The following PFKP variants were observed in gnomAD, a reference collection of about 807,000 sequenced individuals.
PFKP encodes the protein ATP-dependent 6-phosphofructokinase, platelet type.
PFKP carries 101 observed loss-of-function variants against 94.3 expected under a neutral mutation model. The ratio of observed to expected loss-of-function variants is 1.07; its 90% CI spans 0.91 to 1.26. The LOEUF (loss-of-function observed/expected upper bound fraction) is 1.26. Ranked by LOEUF, PFKP falls within the 50% of genes most tolerant of loss-of-function variation. The pLI is 0.00. For missense variants in PFKP, 1,145 were observed against 1,103.3 expected, an observed-to-expected ratio of 1.04 and a Z score of -0.53; for synonymous variants, 573 against 432.6, an observed-to-expected ratio of 1.32 and a Z score of -4.03.
At chr10:3,115,408 AGG>A (rs1191182275) in intron 13 of PFKP, among the ~76,000 whole-genome samples, 46,745 of 114,358 alleles carry the variant, frequency 0.41, 18,472 homozygotes, top group East Asian at 0.75. Flanking sequence ...GCCGGGGTGA[AGG>A]TGTGTGTCCC....
chr10:3,109,366 G>T lies in PFKP; in HGVS notation c.975G>T (p.Met325Ile). Residue 325 changes from methionine to isoleucine, a missense_variant, in exon 10 of 22, where the codon ATG becomes ATT. Met to Ile is a conservative substitution (Grantham distance 10). Coordinates refer to ENST00000381125, the MANE Select transcript of PFKP (RefSeq NM_002627.5). ...GACCTGGTTTCCAGGCCAGCCGCATGGGAGTGGAGGCAGTCATCGCCTTGC... is the reference window on the plus strand; with the variant it reads ...GACCTGGTTTCCAGGCCAGCCGCATTGGAGTGGAGGCAGTCATCGCCTTGC... ...SAFDRILASRMGVEAVIALLE... is the reference protein window; with the variant it reads ...SAFDRILASRIGVEAVIALLE... 6.2e-7 allele frequency: 1 copy of T among 1,610,254 alleles called. No individual in the cohort carries two copies.
chr10:3,112,118 C>T, intron 10 of PFKP, 104 bp from the exon 11 acceptor site: 1 of 916,966 alleles, frequency 1.1e-6, no homozygotes, highest in Non-Finnish European at 1.8e-6. Flanking sequence ...CCGGGTCAGA[C>T]TGGAGGGGGC....
rs368805566 is a variant in PFKP, at chr10:3,105,527, T to G, written c.774+26T>G. On this transcript the variant is annotated intron_variant, in intron 7 of 21. Transcript: ENST00000381125. ...GTAATGCGGGTCCCGTGGCCGTTGATAGCGGGCGATGCTGGCTGCATTGCT... is the reference window on the plus strand; with the variant it reads ...GTAATGCGGGTCCCGTGGCCGTTGAGAGCGGGCGATGCTGGCTGCATTGCT... The G allele has an allele frequency of 4.4e-5, 65 of 1,467,532 alleles. 1 individual carries two copies. Among genetic ancestry groups the G allele is most frequent in the Middle Eastern group, 3.5e-4 (2 of 5,770 alleles). The allele number at this position is 1,467,532 out of a possible 1,614,324, so 90.9% of individuals were successfully genotyped here. A position where few individuals can be genotyped will look rare whatever the true frequency, so the allele number is the denominator to read the frequency against.
At chr10:3,103,221 TTC>T (rs1397798408) in intron 4 of PFKP, among the ~76,000 whole-genome samples, 1 of 152,240 alleles carries the variant, frequency 6.6e-6, no homozygotes. Flanking sequence ...TGTGGATCCT[TTC>T]TTTTATTTTT....
At chr10:3,076,207 G>T (rs1027455471) in intron 1 of PFKP, among the ~76,000 whole-genome samples, 2 of 152,134 alleles carry the variant, frequency 1.3e-5, no homozygotes, top group African/African-American at 4.8e-5. Flanking sequence ...CGGGACGCAC[G>T]TGGCCAGCGG....
chr10:3,067,656 TC>T lies in PFKP; in HGVS notation c.63del (p.Ala23ProfsTer8). 1.3e-6 allele frequency: 2 copies of T among 1,534,332 alleles called. No homozygotes were observed. Among genetic ancestry groups the T allele is most frequent in the Non-Finnish European group, 1.8e-6 (2 of 1,140,160 alleles). On this transcript the variant is annotated frameshift_variant, in exon 1 of 22. Transcript: ENST00000381125. LOFTEE classifies it high-confidence loss of function. The part of the protein sequence containing the change: ...GSLRKFLEHL[S>X]GAGKAIGVLT... ...CTTGCGGAAGTTCCTGGAGCACCTC[TC>T]CGGGGCCGGCAAGGCCATCGGCGTG... is the stretch of plus-strand genomic sequence containing the variant.
rs754059610 is a variant in PFKP at position 3,132,356 on chromosome 10, G to A, written c.1849-24G>A. The A allele has an allele frequency of 1.9e-6, 3 of 1,575,034 alleles. No homozygotes were observed. In the South Asian group the frequency reaches 3.3e-5, roughly 17 times the overall value. ...GGTACTTAGTAGAAGTTTATTGTCT[G>A]ATTAACAAAATACTCTCTTCCAGTC... On this transcript the variant is annotated intron_variant, in intron 17 of 21. Transcript: ENST00000381125.
chr10:3,105,987 C>G (rs1427273701), intron 7 of PFKP, among the ~76,000 whole-genome samples: 2 of 152,224 alleles, frequency 1.3e-5, no homozygotes, highest in Non-Finnish European at 2.9e-5. Context: ...GCCACGGTGG[C>G]CCAGCAGTGT....
intron 4 of PFKP, among the ~76,000 whole-genome samples, chr10:3,103,272 T>C (rs114006515): frequency 0.039 from 5,878 of 152,228 alleles, 212 homozygotes; most frequent in African/African-American, 0.094. Context: ...GGTGACAGAG[T>C]CCATTGTGTG....
chr10:3,088,153 A>G (rs1294732566), intron 2 of PFKP, among the ~76,000 whole-genome samples: 1 of 35,258 alleles, frequency 2.8e-5, no homozygotes, highest in African/African-American at 1.2e-4. Flanking sequence ...CCCTCCCCCC[A>G]CCCCACAACA....
At chr10:3,127,346 C>T (rs1838070289) in intron 16 of PFKP, among the ~76,000 whole-genome samples, 1 of 152,260 alleles carries the variant, frequency 6.6e-6, no homozygotes, top group Non-Finnish European at 1.5e-5. Flanking sequence ...TCAGACACGC[C>T]TGGGCACAAA....
At chr10:3,124,617 G>A (rs1254167981) in intron 16 of PFKP, among the ~76,000 whole-genome samples, 1 of 152,206 alleles carries the variant, frequency 6.6e-6, no homozygotes, top group Non-Finnish European at 1.5e-5. Flanking sequence ...CTGCACCTGG[G>A]CGCCGCCTCT....
At position 3,109,588 on chromosome 10, in the gene PFKP, A is replaced by G. The variant is rs1052661045; in HGVS notation, c.1089+108A>G. ...GTGTCTCGTCGGTGCACGATGCATT[A>G]CACGGCCTTTCTGAGAAGGAGGTGA... is the stretch of plus-strand genomic sequence containing the variant. On this transcript the variant is annotated intron_variant, in intron 10 of 21. Transcript: ENST00000381125. 2.7e-5 allele frequency: 36 copies of G among 1,355,732 alleles called. No homozygotes were observed. The South Asian group carries it at 4.1e-4, about 15-fold the overall frequency. 84.0% of individuals were successfully genotyped at this position (1,355,732 alleles called of 1,614,324 possible). A position where few individuals can be genotyped will look rare whatever the true frequency, so the allele number is the denominator to read the frequency against.
chr10:3,133,406 G>A (rs972990357), intron 19 of PFKP, 92 bp downstream of exon 19: 63 of 842,614 alleles, frequency 7.5e-5, no homozygotes, highest in Non-Finnish European at 1.2e-4. Flanking sequence ...GGGGAAAAAT[G>A]TATAAGTAAA....
At chr10:3,107,691 G>A (rs917302950) in intron 8 of PFKP, 44 of 962,412 alleles carry the variant, frequency 4.6e-5, no homozygotes, top group Admixed American at 1.8e-4. Context: ...GGGAAAAGGC[G>A]GCGTCTTGCT....
intron 16 of PFKP, among the ~76,000 whole-genome samples, chr10:3,128,825 G>A (rs2279207): frequency 0.24 from 37,214 of 152,074 alleles, 4,622 homozygotes; most frequent in East Asian, 0.3. Flanking sequence ...TCCTTTGGGG[G>A]CTGCTCTCCC....
intron 17 of PFKP, 121 bp downstream of exon 17, chr10:3,130,104 A>C: frequency 1.1e-6 from 1 of 883,218 alleles, no homozygotes; most frequent in Admixed American, 3.0e-5. Context: ...ATGCTACAGA[A>C]CATGCCACGC....
intron 16 of PFKP, among the ~76,000 whole-genome samples, chr10:3,122,053 G>C (rs1181437058): frequency 7.0e-6 from 1 of 142,420 alleles, no homozygotes; most frequent in Non-Finnish European, 1.6e-5. Context: ...AAACGTCTGG[G>C]CTCAAGCAAT....
rs147848044 is a variant in PFKP at position 3,113,378 on chromosome 10, T to A, written c.1231T>A (p.Cys411Ser). Reference protein sequence around the residue: ...LPDDQIPKTNCNVAVINVGAP... With the variant: ...LPDDQIPKTNSNVAVINVGAP... ...CCTGCCTTCTGTTTTGCAGACCAAT[T>A]GCAACGTAGCTGTCATCAACGTGGG... is the stretch of plus-strand genomic sequence containing the variant. Residue 411 changes from cysteine to serine, a missense_variant, in exon 13 of 22, where the codon TGC becomes AGC. Physicochemically the swap from Cys to Ser is moderately radical, Grantham distance 112 (BLOSUM62 -1). Coordinates refer to ENST00000381125, the MANE Select transcript of PFKP (RefSeq NM_002627.5). 3.5e-5 allele frequency: 56 copies of A among 1,584,218 alleles called. No homozygotes were observed. In the African/African-American group the frequency reaches 6.2e-4, roughly 17 times the overall value.
Sources: allele counts gnomAD v4.1 joint callset (sites outside exome capture counted in the v4.1 genomes callset), GRCh38; gene constraint gnomAD v4.1.1; transcripts MANE v1.5; gene names NCBI Gene and HGNC (gene_info 2026-07-23, HGNC 2026-07-21).